TEX11: variants seen among roughly 807,000 people sequenced by gnomAD.
TEX11 encodes testis expressed 11.
TEX11 carries 7 observed loss-of-function variants against 84.4 expected under a neutral mutation model. The ratio of observed to expected loss-of-function variants is 0.08; its 90% CI spans 0.05 to 0.16. The LOEUF is 0.16. Among genes scored for constraint, TEX11 ranks in the 10% least tolerant of loss-of-function variants. TEX11 has a pLI of 1.00. For synonymous variants in TEX11, 264 were observed against 222.8 expected, an observed-to-expected ratio of 1.18 and a Z score of -1.64; for missense variants, 551 against 660.5, an observed-to-expected ratio of 0.83 and a Z score of 1.82.
At chrX:70,852,967 AT>A in intron 7 of TEX11, 66 bp downstream of exon 7, 2 of 1,085,930 alleles carry the variant, frequency 1.8e-6, no homozygotes. Context: ...TAGGCTATAT[AT>A]CATCACTTTT....
intron 8 of TEX11, among the ~76,000 whole-genome samples, chrX:70,816,715 CAAA>C (rs61114889): frequency 2.5e-5 from 2 of 80,714 alleles, no homozygotes; most frequent in African/African-American, 4.7e-5. Context: ...GACTCTGTCT[CAAA>C]AAAAAAAAAA....
At chrX:70,754,881 T>G (rs1289232309) in intron 9 of TEX11, among the ~76,000 whole-genome samples, 2 of 111,918 alleles carry the variant, frequency 1.8e-5, no homozygotes, top group African/African-American at 6.5e-5. Flanking sequence ...ACCATCAAGG[T>G]AGTACCTCTA....
rs777503877 is a variant in TEX11, at chrX:70,790,942, C to CT, written c.692+15762dup. 5.4e-5 allele frequency among the ~76,000 whole-genome samples: 6 copies of CT among 111,979 alleles called. 1 individual carries two copies. In the South Asian group the frequency reaches 1.9e-3, roughly 35 times the overall value. On this transcript the variant is annotated intron_variant, in intron 9 of 29. Transcript: ENST00000374333. Reference sequence around the variant, plus strand: ...AAAACAAGACCCAATCATTTGCTGTCTTTTTTTTATTATTATACTTTAAGT... The same window carrying CT: ...AAAACAAGACCCAATCATTTGCTGTCTTTTTTTTTATTATTATACTTTAAGT...
chrX:70,531,677 T>C (rs1357372825), intron 28 of TEX11, among the ~76,000 whole-genome samples: 3 of 111,341 alleles, frequency 2.7e-5, no homozygotes, highest in African/African-American at 9.8e-5. Flanking sequence ...GGACTGCTAA[T>C]GGGTATAGAG....
chrX:70,673,259 AC>A (rs1007345909), intron 15 of TEX11, among the ~76,000 whole-genome samples: 2 of 111,348 alleles, frequency 1.8e-5, no homozygotes, highest in African/African-American at 6.5e-5. Context: ...AGCTGGGACT[AC>A]AGGTGCATGC....
rs1281245596 is a variant in TEX11 at position 70,712,616 on chromosome X, C to T, written c.1004+10002G>A. On this transcript the variant is annotated intron_variant, in intron 13 of 29. Coordinates refer to ENST00000374333, the MANE Select transcript of TEX11 (RefSeq NM_031276.3). ...TGTCTGTTATTGGTGTATAAGAATG[C>T]CTGTGATTTTTGCACATTGATTTTG... Among the ~76,000 whole-genome samples the T allele has an allele frequency of 2.7e-5, 3 of 111,026 alleles. No individual in the cohort carries two copies. In the East Asian group the frequency reaches 8.4e-4, roughly 31 times the overall value.
intron 16 of TEX11, among the ~76,000 whole-genome samples, chrX:70,658,963 C>A (rs780121904): frequency 1.4e-4 from 16 of 112,043 alleles, no homozygotes; most frequent in African/African-American, 3.2e-4. Context: ...GGGAAAAGGA[C>A]AGTCTTTTCA....
chrX:70,749,328 C>T (rs767163709), intron 9 of TEX11, among the ~76,000 whole-genome samples: 56 of 108,671 alleles, frequency 5.2e-4, no homozygotes, highest in African/African-American at 1.5e-3. Flanking sequence ...TGGGCTGAGA[C>T]GATGGGGTTT....
intron 20 of TEX11, among the ~76,000 whole-genome samples, chrX:70,615,481 C>T (rs1603145973): frequency 1.8e-5 from 2 of 110,730 alleles, no homozygotes; most frequent in African/African-American, 6.6e-5. Flanking sequence ...TGAAAACACA[C>T]GGTGAGAGGA....
At chrX:70,671,884 T>TAG (rs1300853762) in intron 15 of TEX11, among the ~76,000 whole-genome samples, 3 of 14,731 alleles carry the variant, frequency 2.0e-4, no homozygotes, top group East Asian at 1.3e-3. Flanking sequence ...TGTTTTGATA[T>TAG]ATATATATAT....
At chrX:70,733,278 CA>C (rs2090669053) in intron 11 of TEX11, among the ~76,000 whole-genome samples, 1 of 111,612 alleles carries the variant, frequency 9.0e-6, no homozygotes, top group African/African-American at 3.3e-5. Flanking sequence ...AAAGCAATGG[CA>C]ACAAAAGACA....
chrX:70,829,662 C>CA (rs961958568), intron 8 of TEX11, among the ~76,000 whole-genome samples: 2 of 108,689 alleles, frequency 1.8e-5, no homozygotes, highest in Non-Finnish European at 3.8e-5. Context: ...TAAAGAAAAA[C>CA]AAAAAAAGTT....
At chrX:70,617,065 T>C (rs2089325569) in intron 20 of TEX11, among the ~76,000 whole-genome samples, 1 of 111,155 alleles carries the variant, frequency 9.0e-6, no homozygotes, top group South Asian at 3.7e-4. Context: ...GGATACCCCA[T>C]GTACCCTGAA....
At chrX:70,672,307 G>A (rs920395552) in intron 15 of TEX11, among the ~76,000 whole-genome samples, 4 of 111,347 alleles carry the variant, frequency 3.6e-5, no homozygotes, top group Admixed American at 2.9e-4. Context: ...AAATAAAGCT[G>A]CTATCAGCTT....
chrX:70,862,442 G>A (rs779911050), intron 4 of TEX11, among the ~76,000 whole-genome samples: 15 of 111,489 alleles, frequency 1.3e-4, no homozygotes, highest in African/African-American at 4.9e-4. Context: ...TTGTCTAGCG[G>A]AAATTACAGG....
At chrX:70,518,100 G>T in the TEX11 span, among the ~76,000 whole-genome samples, 17 of 109,478 alleles carry the variant, frequency 1.6e-4, no homozygotes. Flanking sequence ...ATTTTTTGAA[G>T]GGTTTTTGTG....
intron 2 of TEX11, among the ~76,000 whole-genome samples, chrX:70,891,843 G>A: frequency 8.9e-6 from 1 of 111,739 alleles, no homozygotes; most frequent in East Asian, 2.8e-4. Context: ...CCCCAACCTA[G>A]CAAGGCAGCC....
intron 2 of TEX11, among the ~76,000 whole-genome samples, chrX:70,896,960 C>T (rs1405935142): frequency 3.8e-5 from 4 of 105,628 alleles, no homozygotes; most frequent in African/African-American, 1.4e-4. Flanking sequence ...GAAACCCCAT[C>T]TCTACTAAAA....
At chrX:70,711,135 T>C (rs1362343840) in intron 13 of TEX11, among the ~76,000 whole-genome samples, 1 of 111,632 alleles carries the variant, frequency 9.0e-6, no homozygotes, top group African/African-American at 3.3e-5. Context: ...TTTTTATGCC[T>C]GCATAGTATT....
Sources: gnomAD v4.1 joint callset for allele counts (sites outside exome capture counted in the v4.1 genomes callset) on GRCh38, gnomAD v4.1.1 for gene constraint, MANE v1.5 for transcripts, NCBI Gene and HGNC (gene_info 2026-07-23, HGNC 2026-07-21) for gene names.